NOS1AP: variants seen among roughly 807,000 people sequenced by gnomAD.
The protein encoded by NOS1AP is carboxyl-terminal PDZ ligand of neuronal nitric oxide synthase protein.
In NOS1AP, 21 loss-of-function variants were observed where a neutral mutation model predicts 56.2. The ratio of observed to expected loss-of-function variants is 0.37; its 90% CI spans 0.26 to 0.54. The LOEUF (loss-of-function observed/expected upper bound fraction) is 0.54. Among genes scored for constraint, NOS1AP ranks in the 20% least tolerant of loss-of-function variants. The probability of loss-of-function intolerance (pLI) is 0.84; values close to 1 mark genes in which losing one functional copy is unlikely to be tolerated. For synonymous variants in NOS1AP, 270 were observed against 274.6 expected, an observed-to-expected ratio of 0.98 and a Z score of 0.17; for missense variants, 522 against 657.8, an observed-to-expected ratio of 0.79 and a Z score of 2.26.
At chr1:162,103,960 T>C (rs1647402847) in intron 1 of NOS1AP, among the ~76,000 whole-genome samples, 1 of 152,228 alleles carries the variant, frequency 6.6e-6, no homozygotes, top group Admixed American at 6.5e-5. Flanking sequence ...TGACGCTAAC[T>C]GGTTATTTTG....
At chr1:162,194,503 TC>T (rs1462603886) in intron 2 of NOS1AP, among the ~76,000 whole-genome samples, 4 of 152,218 alleles carry the variant, frequency 2.6e-5, no homozygotes, top group African/African-American at 9.7e-5. Context: ...GTTTCTACTT[TC>T]CTGCTGGAAG....
chr1:162,151,674 A>C (rs1193160749), intron 1 of NOS1AP, among the ~76,000 whole-genome samples: 1 of 152,048 alleles, frequency 6.6e-6, no homozygotes, highest in African/African-American at 2.4e-5. Context: ...TCTTTCATTA[A>C]TGTTTTGTAG....
intron 2 of NOS1AP, among the ~76,000 whole-genome samples, chr1:162,178,045 TG>T (rs1651124234): frequency 6.6e-6 from 1 of 152,256 alleles, no homozygotes; most frequent in Admixed American, 6.5e-5. Context: ...ATCTTTTTAC[TG>T]TCTATAATTT....
chr1:162,087,977 GA>G (rs1237903016), intron 1 of NOS1AP, among the ~76,000 whole-genome samples: 1 of 151,780 alleles, frequency 6.6e-6, no homozygotes, highest in Non-Finnish European at 1.5e-5. Flanking sequence ...GCTGCTCTGT[GA>G]AAAAAAATCC....
intron 2 of NOS1AP, among the ~76,000 whole-genome samples, chr1:162,285,915 G>C (rs1376742877): frequency 6.6e-6 from 1 of 152,202 alleles, no homozygotes; most frequent in Non-Finnish European, 1.5e-5. Flanking sequence ...ACCAGAGCCT[G>C]CAATGACAAC....
intron 3 of NOS1AP, among the ~76,000 whole-genome samples, chr1:162,290,279 G>T (rs1020961914): frequency 6.6e-6 from 1 of 152,212 alleles, no homozygotes; most frequent in Non-Finnish European, 1.5e-5. Flanking sequence ...CTTAGTGTCC[G>T]TTCCAGGGCC....
At chr1:162,075,655 T>C (rs1691751381) in intron 1 of NOS1AP, among the ~76,000 whole-genome samples, 1 of 152,166 alleles carries the variant, frequency 6.6e-6, no homozygotes, top group Non-Finnish European at 1.5e-5. Flanking sequence ...TCTGGAACAG[T>C]AGCAATTCAG....
At chr1:162,078,036 T>C (rs1460469988) in intron 1 of NOS1AP, among the ~76,000 whole-genome samples, 2 of 152,224 alleles carry the variant, frequency 1.3e-5, no homozygotes, top group African/African-American at 4.8e-5. Flanking sequence ...TTGGGCTCTC[T>C]GTGCCTGCTT....
intron 2 of NOS1AP, among the ~76,000 whole-genome samples, chr1:162,155,300 A>G (rs1649909974): frequency 6.9e-6 from 1 of 145,906 alleles, no homozygotes; most frequent in African/African-American, 2.5e-5. Flanking sequence ...ATATATATGT[A>G]TATGTATGTG....
intron 4 of NOS1AP, among the ~76,000 whole-genome samples, chr1:162,302,851 A>G (rs1655709281): frequency 6.6e-6 from 1 of 152,080 alleles, no homozygotes; most frequent in African/African-American, 2.4e-5. Context: ...AGCGACCACG[A>G]TCTCCTTTCT....
chr1:162,326,092 C>T (rs553145160), intron 4 of NOS1AP, among the ~76,000 whole-genome samples: 1 of 152,172 alleles, frequency 6.6e-6, no homozygotes, highest in Non-Finnish European at 1.5e-5. Flanking sequence ...TTATTATTCT[C>T]ACTTCAACGA....
intron 6 of NOS1AP, among the ~76,000 whole-genome samples, chr1:162,352,143 T>G (rs1657523121): frequency 6.6e-6 from 1 of 152,050 alleles, no homozygotes; most frequent in Non-Finnish European, 1.5e-5. Context: ...GACTGCAACC[T>G]CCGCCTCCTG....
chr1:162,100,612 T>A (rs1023199920), intron 1 of NOS1AP, among the ~76,000 whole-genome samples: 3 of 149,694 alleles, frequency 2.0e-5, no homozygotes, highest in African/African-American at 5.1e-5. Flanking sequence ...TATTTTCTTT[T>A]GCTGTGCAGA....
At chr1:162,333,274 G>A (rs989643148) in intron 5 of NOS1AP, 149 bp downstream of exon 5, 3 of 693,392 alleles carry the variant, frequency 4.3e-6, no homozygotes, top group Non-Finnish European at 7.9e-6. Context: ...CTATATAATG[G>A]AATTCTCTTT....
At chr1:162,231,759 T>G (rs1227822004) in intron 2 of NOS1AP, among the ~76,000 whole-genome samples, 1 of 152,166 alleles carries the variant, frequency 6.6e-6, no homozygotes, top group Non-Finnish European at 1.5e-5. Context: ...GATAAATTGA[T>G]AACTGGCACA....
chr1:162,102,052 G>T (rs1413646243), intron 1 of NOS1AP, among the ~76,000 whole-genome samples: 1 of 152,098 alleles, frequency 6.6e-6, no homozygotes, highest in East Asian at 1.9e-4. Flanking sequence ...TCTAGCTTTT[G>T]CCATTCAATA....
chr1:162,306,359 G>C (rs1557871597), intron 4 of NOS1AP, among the ~76,000 whole-genome samples: 1 of 152,162 alleles, frequency 6.6e-6, no homozygotes, highest in Non-Finnish European at 1.5e-5. Context: ...ATAGAGAAAA[G>C]TGAGGACAGA....
rs183964771 is a variant in NOS1AP, at chr1:162,283,940, C to T, written c.178-3404C>T. Among the ~76,000 whole-genome samples, 28 of 152,332 alleles carry T rather than the reference C, an allele frequency of 1.8e-4. No individual in the cohort carries two copies. In the East Asian group the frequency reaches 2.7e-3, roughly 15 times the overall value. Reference sequence around the variant, plus strand: ...GTGGGAGGCTGGTCTGAGCCACAGACGGTGGCACCAGCAGTCTTGTTTGTT... The same window carrying T: ...GTGGGAGGCTGGTCTGAGCCACAGATGGTGGCACCAGCAGTCTTGTTTGTT... On this transcript the variant is annotated intron_variant, in intron 2 of 9. Coordinates refer to ENST00000361897, the MANE Select transcript of NOS1AP (RefSeq NM_014697.3).
chr1:162,348,200 A>G (rs915437205), intron 6 of NOS1AP, among the ~76,000 whole-genome samples: 2 of 152,252 alleles, frequency 1.3e-5, no homozygotes, highest in Admixed American at 6.5e-5. Flanking sequence ...GTCATTGTCA[A>G]CAAGTGTTTG....
Sources: gnomAD v4.1 joint callset for allele counts (sites outside exome capture counted in the v4.1 genomes callset) on GRCh38, gnomAD v4.1.1 for gene constraint, MANE v1.5 for transcripts, NCBI Gene and HGNC (gene_info 2026-07-23, HGNC 2026-07-21) for gene names.